The following SMYD3 variants were observed in gnomAD, a reference collection of about 807,000 sequenced individuals.
SMYD3 encodes histone-lysine N-methyltransferase SMYD3.
A neutral mutation model predicts 57.7 loss-of-function variants in SMYD3; 36 were observed. That is an observed-to-expected ratio of 0.62 (90% CI 0.48 to 0.82). The LOEUF is 0.82. SMYD3 is among the 40% of genes least tolerant of loss of function. The probability of loss-of-function intolerance (pLI) is 0.00; values close to 1 mark genes in which losing one functional copy is unlikely to be tolerated. For synonymous variants in SMYD3, 211 were observed against 195.0 expected, an observed-to-expected ratio of 1.08 and a Z score of -0.68; for missense variants, 515 against 538.8, an observed-to-expected ratio of 0.96 and a Z score of 0.44.
chr1:246,158,692 G>T (rs1572128252), intron 5 of SMYD3, among the ~76,000 whole-genome samples: 1 of 151,998 alleles, frequency 6.6e-6, no homozygotes, highest in Non-Finnish European at 1.5e-5. Context: ...AGACAAACCA[G>T]AATATATAAA....
chr1:246,005,691 A>C (rs2059156352), intron 5 of SMYD3, among the ~76,000 whole-genome samples: 1 of 152,234 alleles, frequency 6.6e-6, no homozygotes, highest in East Asian at 1.9e-4. Context: ...AAAGCAAAAC[A>C]CAAGTACCTG....
At chr1:246,409,201 T>C (rs370475804) in intron 1 of SMYD3, among the ~76,000 whole-genome samples, 1 of 152,378 alleles carries the variant, frequency 6.6e-6, no homozygotes, top group Non-Finnish European at 1.5e-5. Context: ...TTTGTCAATT[T>C]TGGCTTTTGT....
At chr1:246,394,210 A>C (rs749928007) in intron 1 of SMYD3, among the ~76,000 whole-genome samples, 14 of 152,248 alleles carry the variant, frequency 9.2e-5, no homozygotes, top group Non-Finnish European at 1.8e-4. Context: ...TAGCACAGCT[A>C]TGTAGTATGT....
At chr1:246,393,869 A>C (rs2148772851) in intron 1 of SMYD3, among the ~76,000 whole-genome samples, 1 of 152,108 alleles carries the variant, frequency 6.6e-6, no homozygotes, top group South Asian at 2.1e-4. Flanking sequence ...AAAAAATCTA[A>C]AAACAATTGT....
chr1:246,348,984 C>T (rs2065775727), intron 2 of SMYD3, among the ~76,000 whole-genome samples: 1 of 151,712 alleles, frequency 6.6e-6, no homozygotes, highest in Non-Finnish European at 1.5e-5. Context: ...AATTCTGTAC[C>T]CTGTGGAATT....
At chr1:245,773,098 A>G (rs941728850) in intron 10 of SMYD3, among the ~76,000 whole-genome samples, 6 of 151,826 alleles carry the variant, frequency 4.0e-5, no homozygotes, top group Admixed American at 6.6e-5. Flanking sequence ...ACTAAAAAAA[A>G]AAAAAAAAAA....
intron 8 of SMYD3, among the ~76,000 whole-genome samples, chr1:245,913,477 G>A (rs1262745499): frequency 1.6e-4 from 24 of 151,342 alleles, no homozygotes; most frequent in Admixed American, 1.5e-3. Context: ...AAACCTGCAC[G>A]TTGTGCACAT....
At chr1:246,197,877 C>G (rs2062849647) in intron 5 of SMYD3, among the ~76,000 whole-genome samples, 1 of 152,148 alleles carries the variant, frequency 6.6e-6, no homozygotes, top group African/African-American at 2.4e-5. Context: ...AATTTAAAGT[C>G]TATTTAAAAA....
chr1:246,474,043 AT>A (rs1428998186), intron 1 of SMYD3, among the ~76,000 whole-genome samples: 1 of 152,368 alleles, frequency 6.6e-6, no homozygotes, highest in African/African-American at 2.4e-5. Flanking sequence ...TTAACAATTT[AT>A]TTTTAATCTA....
At chr1:246,042,749 C>G (rs537297837) in intron 5 of SMYD3, among the ~76,000 whole-genome samples, 1 of 129,990 alleles carries the variant, frequency 7.7e-6, no homozygotes, top group South Asian at 2.7e-4. Flanking sequence ...TCAACACACA[C>G]TTCAAAGCCT....
chr1:245,977,125 T>G (rs1195888095), intron 5 of SMYD3, among the ~76,000 whole-genome samples: 3 of 152,242 alleles, frequency 2.0e-5, no homozygotes, highest in African/African-American at 7.2e-5. Context: ...ACCCCTTGAA[T>G]CCATTCTCTA....
At chr1:245,791,926 C>A (rs540883226) in intron 10 of SMYD3, among the ~76,000 whole-genome samples, 2 of 149,730 alleles carry the variant, frequency 1.3e-5, no homozygotes, top group South Asian at 2.1e-4. Flanking sequence ...TCTGATTAGA[C>A]TGTTTTAAAC....
Position 245,750,615 on chromosome 1 carries a change from A to G in SMYD3, c.1186-951T>C, listed in dbSNP as rs2045303496. Among the ~76,000 whole-genome samples, 3 of 150,286 alleles carry G rather than the reference A, an allele frequency of 2.0e-5. No individual in the cohort carries two copies. In the Admixed American group the frequency reaches 2.0e-4, roughly 10 times the overall value. On this transcript the variant is annotated intron_variant, in intron 11 of 11. Transcript: ENST00000490107. ...CAATAATTTTGCCGTTGTTTACTCC[A>G]TTCAGTTTTGGGATGGTTATGGAAC...
chr1:245,766,818 T>A (rs879646865), intron 10 of SMYD3, among the ~76,000 whole-genome samples: 5 of 152,184 alleles, frequency 3.3e-5, no homozygotes, highest in Admixed American at 3.3e-4. Context: ...GAAAGCGGTG[T>A]GTCATTACGC....
At chr1:246,265,735 C>G (rs189309363) in intron 5 of SMYD3, among the ~76,000 whole-genome samples, 7 of 152,336 alleles carry the variant, frequency 4.6e-5, no homozygotes, top group Non-Finnish European at 1.0e-4. Context: ...ATCATCCAGC[C>G]TGTATGAGCC....
chr1:246,169,901 C>CA (rs35486805), intron 5 of SMYD3, among the ~76,000 whole-genome samples: 2,318 of 107,266 alleles, frequency 0.022, 44 homozygotes, highest in African/African-American at 0.065. Context: ...AAGACTCTGC[C>CA]AAAAAAAAAA....
intron 5 of SMYD3, among the ~76,000 whole-genome samples, chr1:246,213,703 T>C (rs1297596283): frequency 6.6e-6 from 1 of 152,164 alleles, no homozygotes; most frequent in Non-Finnish European, 1.5e-5. Flanking sequence ...CCTGGCTCCA[T>C]TCTCACTTCA....
intron 5 of SMYD3, among the ~76,000 whole-genome samples, chr1:246,238,784 A>G (rs1312622701): frequency 6.6e-6 from 1 of 152,204 alleles, no homozygotes; most frequent in Non-Finnish European, 1.5e-5. Flanking sequence ...TTAGATAAAA[A>G]ATAGCTTATA....
intron 5 of SMYD3, among the ~76,000 whole-genome samples, chr1:246,151,855 G>A (rs1405718776): frequency 6.6e-6 from 1 of 152,176 alleles, no homozygotes; most frequent in Non-Finnish European, 1.5e-5. Context: ...CCTGTGGCAG[G>A]AGCCGAGATC....
Sources: allele counts gnomAD v4.1 joint callset (sites outside exome capture counted in the v4.1 genomes callset), GRCh38; gene constraint gnomAD v4.1.1; transcripts MANE v1.5; gene names NCBI Gene and HGNC (gene_info 2026-07-23, HGNC 2026-07-21).